Variants in STIM2 observed in about 807,000 individuals in gnomAD.
The protein encoded by STIM2 is stromal interaction molecule 2.
In STIM2, 31 loss-of-function variants were observed where a neutral mutation model predicts 85.8. That is an observed-to-expected ratio of 0.36 (90% CI 0.27 to 0.49). The LOEUF is 0.49. STIM2 is among the 20% of genes least tolerant of loss of function. STIM2 has a pLI of 0.98. For missense variants in STIM2, 841 were observed against 927.6 expected (o/e 0.91, Z 1.21); for synonymous variants, 356 against 331.1 (o/e 1.08, Z -0.82).
chr4:26,861,525 C>T (rs1464819452), intron 1 of STIM2, 156 bp downstream of exon 1: 5 of 1,133,196 alleles, frequency 4.4e-6, no homozygotes, highest in African/African-American at 1.6e-5. Context: ...CGGTCCCCTG[C>T]ACTCCGGACG....
At chr4:27,010,726 G>A (rs1394697419) in intron 10 of STIM2, among the ~76,000 whole-genome samples, 1 of 151,972 alleles carries the variant, frequency 6.6e-6, no homozygotes, top group Non-Finnish European at 1.5e-5. Flanking sequence ...TTGAAATAAT[G>A]ACAAGGAAAC....
At chr4:26,912,767 A>G (rs898609298) in intron 1 of STIM2, among the ~76,000 whole-genome samples, 7 of 152,158 alleles carry the variant, frequency 4.6e-5, no homozygotes, top group African/African-American at 1.7e-4. Flanking sequence ...TGTGATAGGC[A>G]TTCTTTGGTA....
rs777000320 is a variant in STIM2 at position 26,861,311 on chromosome 4, C to T, written c.93C>T (p.Ala31=). The T allele has an allele frequency of 2.8e-6, 4 of 1,422,456 alleles. No homozygotes were observed. Among genetic ancestry groups the T allele is most frequent in the Middle Eastern group, 2.5e-4 (1 of 3,964 alleles). 88.1% of individuals were successfully genotyped at this position (1,422,456 alleles called of 1,614,324 possible). A position where few individuals can be genotyped will look rare whatever the true frequency, so the allele number is the denominator to read the frequency against. The change falls in exon 1 of 12, where the codon GCC becomes GCT. Residue 31 remains alanine (A), a synonymous_variant. Transcript: ENST00000467087. ...GCGGGCGGCGGGCGACTGGCTCTGC[C>T]GCAACTGCCGCCTCCTCTCCCGCCG... is the stretch of plus-strand genomic sequence containing the variant.
chr4:26,861,448 G>C (rs1353174149), intron 1 of STIM2, 79 bp downstream of exon 1: 1 of 1,238,018 alleles, frequency 8.1e-7, no homozygotes, highest in Admixed American at 4.3e-5. Context: ...CAGCATCTCC[G>C]CCGGACGTCC....
At chr4:26,999,544 A>G (rs1350566851) in intron 5 of STIM2, among the ~76,000 whole-genome samples, 197 bp downstream of exon 5, 1 of 152,198 alleles carries the variant, frequency 6.6e-6, no homozygotes, top group Non-Finnish European at 1.5e-5. Flanking sequence ...GAAATTTTCA[A>G]AGCTGGTTAC....
Position 26,999,133 on chromosome 4 carries a change from T to C in STIM2, c.510-99T>C, listed in dbSNP as rs1224244365. The C allele has an allele frequency of 7.4e-6, 3 of 406,700 alleles. No homozygotes were observed. The East Asian group carries it at 1.4e-4, about 19-fold the overall frequency. The allele number at this position is 406,700 out of a possible 1,614,324, so 25.2% of individuals were successfully genotyped here. ...TCCAACAGTGATCATCAATAATATG[T>C]AAAGTGTTAAATGTGTTGCTCAAAT... On this transcript the variant is annotated intron_variant, in intron 4 of 11. Coordinates refer to ENST00000467087, the MANE Select transcript of STIM2 (RefSeq NM_020860.4).
chr4:27,022,584 C>T lies in STIM2; in HGVS notation c.1829C>T (p.Pro610Leu). 6.2e-7 allele frequency: 1 copy of T among 1,612,460 alleles called. No individual in the cohort carries two copies. Among genetic ancestry groups the T allele is most frequent in the South Asian group, 1.1e-5 (1 of 91,058 alleles). The stretch of plus-strand genomic sequence containing the variant: ...TCTTCCATTGGAAGGAAACAGTCTC[C>T]TCCTTTAAGCCTCGAGATATACCAA... The change falls in exon 12 of 12, where the codon CCT becomes CTT. Residue 610 changes from proline to leucine, a missense_variant. By Grantham distance (98) the Pro-to-Leu change is moderately conservative. Coordinates refer to ENST00000467087, the MANE Select transcript of STIM2 (RefSeq NM_020860.4).
intron 3 of STIM2, among the ~76,000 whole-genome samples, chr4:26,981,822 A>G (rs1472484671): frequency 6.6e-6 from 1 of 152,168 alleles, no homozygotes; most frequent in Non-Finnish European, 1.5e-5. Context: ...CACAGGAGTG[A>G]TTCTTTTTAT....
At chr4:26,960,543 T>TGAAA (rs1227226556) in intron 3 of STIM2, among the ~76,000 whole-genome samples, 3 of 152,130 alleles carry the variant, frequency 2.0e-5, no homozygotes, top group Non-Finnish European at 4.4e-5. Context: ...AATTGTTGAA[T>TGAAA]GAATGAAAGA....
In STIM2 at chr4:26,928,871, A is replaced by G. The variant is rs1011699242; in HGVS notation, c.282+9237A>G. On this transcript the variant is annotated intron_variant, in intron 2 of 11. Transcript: ENST00000467087. ...AGAGCTTAGAATTCTTTGATATGAG[A>G]GGTGAATTTTAATATTTAAAAACAG... 5.3e-5 allele frequency among the ~76,000 whole-genome samples: 8 copies of G among 152,336 alleles called. No homozygotes were observed. The East Asian group carries it at 1.5e-3, about 29-fold the overall frequency.
intron 1 of STIM2, among the ~76,000 whole-genome samples, chr4:26,887,819 A>G (rs1272616790): frequency 6.6e-6 from 1 of 152,218 alleles, no homozygotes; most frequent in Admixed American, 6.5e-5. Flanking sequence ...TAATTGTTTT[A>G]TACATGTATC....
In STIM2 at chr4:27,008,426, A is replaced by G; in HGVS notation, c.1150-2A>G. The G allele has an allele frequency of 1.3e-6, 2 of 1,573,544 alleles. No individual in the cohort carries two copies. Among genetic ancestry groups the G allele is most frequent in the South Asian group, 1.2e-5 (1 of 80,876 alleles). On this transcript the variant is annotated splice_acceptor_variant, in intron 8 of 11. Transcript: ENST00000467087. LOFTEE classifies it high-confidence loss of function. Reference sequence around the variant, plus strand: ...CCTTATTTAGTCCTTTTCGGTTTCTAGGCAGAAAAAATTAAAAAGAAGAGA... The same window carrying G: ...CCTTATTTAGTCCTTTTCGGTTTCTGGGCAGAAAAAATTAAAAAGAAGAGA...
chr4:26,978,072 A>G (rs4692016), intron 3 of STIM2, among the ~76,000 whole-genome samples: 148,286 of 152,178 alleles, frequency 0.97, 72,289 homozygotes, highest in East Asian at 1. Flanking sequence ...TCACTGTAGG[A>G]GTAGAAGTAA....
At chr4:26,917,853 T>A (rs1023598362) in intron 1 of STIM2, among the ~76,000 whole-genome samples, 1 of 152,314 alleles carries the variant, frequency 6.6e-6, no homozygotes, top group African/African-American at 2.4e-5. Flanking sequence ...ACACTATATG[T>A]TGTTTTGGTA....
chr4:26,951,882 G>T (rs1048162545), intron 2 of STIM2, among the ~76,000 whole-genome samples: 1 of 152,170 alleles, frequency 6.6e-6, no homozygotes. Flanking sequence ...CACTCAAGTG[G>T]GTATTTAGGT....
chr4:27,021,651 C>G (rs1728916247), intron 11 of STIM2: 1 of 456,486 alleles, frequency 2.2e-6, no homozygotes, highest in Non-Finnish European at 4.4e-6. Flanking sequence ...TTTTAAAAAT[C>G]ACTTTAATGG....
intron 3 of STIM2, among the ~76,000 whole-genome samples, chr4:26,969,272 C>CG (rs982007604): frequency 2.6e-5 from 4 of 152,010 alleles, no homozygotes; most frequent in African/African-American, 9.7e-5. Flanking sequence ...GGGATGGAGG[C>CG]GGGTTGGGGA....
chr4:26,942,617 T>C (rs1229739400), intron 2 of STIM2, among the ~76,000 whole-genome samples: 1 of 152,172 alleles, frequency 6.6e-6, no homozygotes, highest in East Asian at 1.9e-4. Context: ...GTTCTCAGTC[T>C]TCATATCACT....
intron 2 of STIM2, among the ~76,000 whole-genome samples, chr4:26,920,777 T>A (rs1724766120): frequency 6.6e-6 from 1 of 152,186 alleles, no homozygotes; most frequent in Admixed American, 6.6e-5. Flanking sequence ...CTGCCTGATG[T>A]TTTTAGAGGG....
Sources: gnomAD v4.1 joint callset for allele counts (sites outside exome capture counted in the v4.1 genomes callset) on GRCh38, gnomAD v4.1.1 for gene constraint, MANE v1.5 for transcripts, NCBI Gene and HGNC (gene_info 2026-07-23, HGNC 2026-07-21) for gene names.